DNAAF5: variants seen among roughly 807,000 people sequenced by gnomAD.
DNAAF5 encodes the protein HEAT repeat containing 2.
A neutral mutation model predicts 75.8 loss-of-function variants in DNAAF5; 64 were observed. The observed-to-expected ratio is 0.84, with a 90% CI of 0.69 to 1.04. DNAAF5 has a LOEUF of 1.04. Ranked by LOEUF, DNAAF5 falls within the 50% of genes least tolerant of loss-of-function variation. The pLI is 0.00. For synonymous variants in DNAAF5, 657 were observed against 557.2 expected, an observed-to-expected ratio of 1.18 and a Z score of -2.52; for missense variants, 1,269 against 1,178.5, an observed-to-expected ratio of 1.08 and a Z score of -1.12.
chr7:777,061 C>T (rs1372308049), intron 11 of DNAAF5, among the ~76,000 whole-genome samples: 1 of 152,230 alleles, frequency 6.6e-6, no homozygotes, highest in Non-Finnish European at 1.5e-5. Context: ...ATCGTCCCCA[C>T]ATGGGACCGT....
At chr7:781,058 G>A (rs1007104439) in intron 12 of DNAAF5, among the ~76,000 whole-genome samples, 12 of 151,956 alleles carry the variant, frequency 7.9e-5, no homozygotes, top group African/African-American at 2.7e-4. Context: ...GATACTTTTC[G>A]TTATGTTTAA....
At chr7:777,688 G>A (rs1450350316) in intron 11 of DNAAF5, among the ~76,000 whole-genome samples, 1 of 152,194 alleles carries the variant, frequency 6.6e-6, no homozygotes, top group Non-Finnish European at 1.5e-5. Flanking sequence ...GATGGTTCTT[G>A]CTAATTCCCG....
At chr7:739,511 A>G (rs1357432004) in intron 2 of DNAAF5, among the ~76,000 whole-genome samples, 1 of 152,198 alleles carries the variant, frequency 6.6e-6, no homozygotes, top group African/African-American at 2.4e-5. Context: ...TGTGGTTGCT[A>G]GTAAGGCCCT....
chr7:732,682 G>A (rs886330670), intron 2 of DNAAF5: 40 of 452,048 alleles, frequency 8.8e-5, no homozygotes, highest in Non-Finnish European at 1.5e-4. Context: ...TTTAAATCGC[G>A]TTATTAGATT....
intron 12 of DNAAF5, among the ~76,000 whole-genome samples, chr7:785,074 T>G (rs1358055422): frequency 6.6e-6 from 1 of 151,970 alleles, no homozygotes; most frequent in Non-Finnish European, 1.5e-5. Context: ...ATGACTACTG[T>G]GCACCCATCC....
At chr7:767,712 G>A (rs139740783) in intron 8 of DNAAF5, among the ~76,000 whole-genome samples, 6 of 151,912 alleles carry the variant, frequency 3.9e-5, no homozygotes, top group African/African-American at 1.2e-4. Flanking sequence ...TGATCAGGGC[G>A]GAAGTGTCCG....
rs553061452 is a variant in DNAAF5 at position 746,354 on chromosome 7, C to A, written c.1024+4889C>A. 9.3e-4 allele frequency among the ~76,000 whole-genome samples: 115 copies of A among 123,058 alleles called. 2 individuals carry two copies. The highest frequency in any genetic ancestry group is 1.5e-3 in the Non-Finnish European group (91 of 59,744). 80.7% of individuals were successfully genotyped at this position (123,058 alleles called of 152,430 possible). On this transcript the variant is annotated intron_variant, in intron 4 of 12. Transcript: ENST00000297440. ...CCCAGGGCCTGTGACGCCCTCCTTA[C>A]CGTCCTGCTGCCCCCCACCCAACAT...
rs757110526 is a variant in DNAAF5, at chr7:774,140, C to T, written c.2024C>T (p.Thr675Met). The T allele has an allele frequency of 1.2e-4, 198 of 1,611,780 alleles. 3 individuals are homozygous for T. The Admixed American group carries it at 3.3e-3, about 26-fold the overall frequency. The change falls in exon 10 of 13, where the codon ACG becomes ATG. Residue 675 changes from threonine (T) to methionine (M), a missense_variant. Thr to Met is a moderately conservative substitution (Grantham distance 81). Transcript: ENST00000297440. ...GGGAGGACAGCCGCGGCCATCCGCA[C>T]GGCTGCCGTGTCCTGCCTCTGGGCG... ...HAGRTAAAIRTAAVSCLWALT... is the reference protein window; with the variant it reads ...HAGRTAAAIRMAAVSCLWALT...
intron 9 of DNAAF5, among the ~76,000 whole-genome samples, chr7:773,738 G>A (rs767682342): frequency 2.0e-5 from 3 of 152,130 alleles, no homozygotes; most frequent in Non-Finnish European, 4.4e-5. Context: ...TTGAAGCTAG[G>A]AGCGGCGAGG....
intron 11 of DNAAF5, 29 bp from the exon 12 acceptor site, chr7:779,924 C>T: frequency 1.3e-6 from 2 of 1,598,656 alleles, no homozygotes; most frequent in Non-Finnish European, 8.6e-7. Context: ...GCTCTAGACT[C>T]ACACACCTGT....
chr7:761,691 G>C (rs902884093), intron 6 of DNAAF5, 62 bp from the exon 7 acceptor site: 2 of 1,517,952 alleles, frequency 1.3e-6, no homozygotes, highest in Non-Finnish European at 1.8e-6. Context: ...TTCAAGATGG[G>C]ATTCGGGTGG....
intron 11 of DNAAF5, among the ~76,000 whole-genome samples, chr7:779,376 G>C (rs1346313405): frequency 6.6e-6 from 1 of 152,354 alleles, no homozygotes; most frequent in South Asian, 2.1e-4. Flanking sequence ...ATGCTGCACA[G>C]AAGGGGGTGC....
At chr7:745,128 T>C (rs1174973075) in intron 4 of DNAAF5, among the ~76,000 whole-genome samples, 1 of 152,224 alleles carries the variant, frequency 6.6e-6, no homozygotes, top group Admixed American at 6.5e-5. Context: ...AGCTGGGCTC[T>C]CCTCACCAAT....
At chr7:736,569 C>T (rs1355827251) in intron 2 of DNAAF5, among the ~76,000 whole-genome samples, 1 of 152,106 alleles carries the variant, frequency 6.6e-6, no homozygotes, top group Non-Finnish European at 1.5e-5. Context: ...TTTTCGCATC[C>T]CTTTATTTTC....
At chr7:760,712 G>A (rs1322006179) in intron 6 of DNAAF5, among the ~76,000 whole-genome samples, 4 of 152,312 alleles carry the variant, frequency 2.6e-5, no homozygotes, top group Non-Finnish European at 5.9e-5. Context: ...AGGAATTCTT[G>A]GGTCCAGCAC....
chr7:779,963 A>T lies in DNAAF5; in HGVS notation c.2250A>T (p.Lys750Asn), dbSNP rs1778881269. Residue 750 changes from lysine to asparagine, a missense_variant, in exon 12 of 13, where the codon AAA becomes AAT. Coordinates refer to ENST00000297440, the MANE Select transcript of DNAAF5 (RefSeq NM_017802.4). ...KLIRIYPELL[K>N]RLDDVSNDVR... is the part of the protein sequence containing the mutation. ...GCTCCCTCCTTCCAGAACTCTTAAAACGCCTAGATGACGTGTCCAACGATG... is the reference window on the plus strand; with the variant it reads ...GCTCCCTCCTTCCAGAACTCTTAAATCGCCTAGATGACGTGTCCAACGATG... The T allele has an allele frequency of 3.7e-6, 6 of 1,613,874 alleles. No homozygotes were observed. In the East Asian group the frequency reaches 1.3e-4, roughly 36 times the overall value.
rs1778673107 is a variant in DNAAF5 at position 774,141 on chromosome 7, G to A, written c.2025G>A (p.Thr675=). The part of the protein sequence containing the change: ...HAGRTAAAIR[T]AAVSCLWALT... Reference sequence around the variant, plus strand: ...GGAGGACAGCCGCGGCCATCCGCACGGCTGCCGTGTCCTGCCTCTGGGCGC... The same window carrying A: ...GGAGGACAGCCGCGGCCATCCGCACAGCTGCCGTGTCCTGCCTCTGGGCGC... The change falls in exon 10 of 13, where the codon ACG becomes ACA. Residue 675 remains threonine (T), a synonymous_variant. Coordinates refer to ENST00000297440, the MANE Select transcript of DNAAF5 (RefSeq NM_017802.4). 6.2e-7 allele frequency: 1 copy of A among 1,612,312 alleles called. No individual in the cohort carries two copies. Among genetic ancestry groups the A allele is most frequent in the South Asian group, 1.1e-5 (1 of 91,076 alleles).
intron 4 of DNAAF5, among the ~76,000 whole-genome samples, chr7:748,933 A>G (rs1444215546): frequency 3.9e-5 from 6 of 152,260 alleles, no homozygotes; most frequent in Admixed American, 2.6e-4. Flanking sequence ...TGACCTATCA[A>G]TAAGGAATTC....
At chr7:749,624 C>A (rs556573138) in intron 4 of DNAAF5, among the ~76,000 whole-genome samples, 1 of 152,216 alleles carries the variant, frequency 6.6e-6, no homozygotes, top group African/African-American at 2.4e-5. Flanking sequence ...AGCTGGTTAA[C>A]ATTGTTTGAA....
Sources: allele counts gnomAD v4.1 joint callset (sites outside exome capture counted in the v4.1 genomes callset), GRCh38; gene constraint gnomAD v4.1.1; transcripts MANE v1.5; gene names NCBI Gene and HGNC (gene_info 2026-07-23, HGNC 2026-07-21).